EIF2S3: variants seen among roughly 807,000 people sequenced by gnomAD.
EIF2S3 encodes eukaryotic translation initiation factor 2 subunit 3.
EIF2S3 carries 2 observed loss-of-function variants against 31.7 expected under a neutral mutation model. The observed-to-expected ratio is 0.06, with a 90% confidence interval of 0.03 to 0.20. The LOEUF is 0.20. Ranked by LOEUF, EIF2S3 falls within the 10% of genes least tolerant of loss-of-function variation. EIF2S3 has a pLI of 1.00. For synonymous variants in EIF2S3, 120 were observed against 126.7 expected (o/e 0.95, Z 0.36); for missense variants, 96 against 359.3 (o/e 0.27, Z 5.92).
chrX:24,060,358 A>G, intron 5 of EIF2S3, 176 bp downstream of exon 5: 1 of 423,516 alleles, frequency 2.4e-6, no homozygotes, highest in Non-Finnish European at 4.1e-6. Context: ...AAAATACTCA[A>G]AAAGATAGAC....
chrX:24,076,686 G>A (rs781464545), intron 11 of EIF2S3, 36 bp from the exon 12 acceptor site: 14 of 1,171,596 alleles, frequency 1.2e-5, no homozygotes, highest in Middle Eastern at 2.3e-4. Context: ...TGAAGTGGAT[G>A]TAAGATTTAT....
At chrX:24,061,848 G>A (rs1013996148) in intron 5 of EIF2S3, among the ~76,000 whole-genome samples, 1 of 111,200 alleles carries the variant, frequency 9.0e-6, no homozygotes, top group African/African-American at 3.3e-5. Flanking sequence ...ACTGGAGAGA[G>A]TTAGAGGGCT....
At chrX:24,055,089 C>G (rs1355518079) in intron 1 of EIF2S3, 52 bp downstream of exon 1, 1 of 1,155,138 alleles carries the variant, frequency 8.7e-7, no homozygotes, top group African/African-American at 1.8e-5. Context: ...TGGAGGTGAC[C>G]GAGCCTCCCG....
chrX:24,068,522 G>A (rs1930612523), intron 9 of EIF2S3, among the ~76,000 whole-genome samples: 1 of 109,118 alleles, frequency 9.2e-6, no homozygotes, highest in Non-Finnish European at 1.9e-5. Context: ...TTGGCTCACT[G>A]CAGCCTCTGC....
At chrX:24,070,485 G>A (rs1930653286) in intron 9 of EIF2S3, among the ~76,000 whole-genome samples, 3 of 75,594 alleles carry the variant, frequency 4.0e-5, no homozygotes, top group Admixed American at 4.2e-4. Flanking sequence ...CTGTCGCCCA[G>A]GCTGGAGTGC....
chrX:24,056,131 T>TTGTACAAACACAAC (rs1370547941), intron 2 of EIF2S3, among the ~76,000 whole-genome samples: 1 of 112,105 alleles, frequency 8.9e-6, no homozygotes, highest in African/African-American at 3.2e-5. Flanking sequence ...CATTTTGAGT[T>TTGTACAAACACAAC]TGTACAAACA....
In EIF2S3 at chrX:24,056,719, C is replaced by T. The variant is rs373790355; in HGVS notation, c.134-702C>T. On this transcript the variant is annotated intron_variant, in intron 2 of 11. Coordinates refer to ENST00000253039, the MANE Select transcript of EIF2S3 (RefSeq NM_001415.4). ...CAAAAAATACAAAAAATTAGCTGTG[C>T]GTGGTGGTGCATGCCTGCAGTCCCA... 1.8e-4 allele frequency among the ~76,000 whole-genome samples: 20 copies of T among 111,137 alleles called. 1 individual carries two copies. The highest frequency in any genetic ancestry group is 1.7e-3 in the East Asian group (6 of 3,515).
intron 1 of EIF2S3, 145 bp downstream of exon 1, chrX:24,055,182 C>T (rs771336838): frequency 3.1e-6 from 2 of 635,561 alleles, no homozygotes; most frequent in East Asian, 7.1e-5. Context: ...CGCCCTAAGC[C>T]ATGCTCGCGC....
chrX:24,057,892 T>C (rs1041604996), intron 4 of EIF2S3, 138 bp downstream of exon 4: 1 of 760,307 alleles, frequency 1.3e-6, no homozygotes, highest in African/African-American at 2.1e-5. Flanking sequence ...TATGTTTTTA[T>C]GGGAAATCTG....
intron 9 of EIF2S3, among the ~76,000 whole-genome samples, chrX:24,071,298 C>G (rs1184777346): frequency 9.2e-6 from 1 of 108,544 alleles, no homozygotes; most frequent in Non-Finnish European, 1.9e-5. Context: ...TCAAGTGATT[C>G]TCCTGCCTCA....
intron 11 of EIF2S3, among the ~76,000 whole-genome samples, chrX:24,073,975 G>A (rs1456041477): frequency 2.7e-5 from 3 of 111,750 alleles, no homozygotes; most frequent in Non-Finnish European, 5.6e-5. Context: ...TATATGTTAT[G>A]CTTCTTGATC....
chrX:24,066,654 C>G (rs1348351197), intron 8 of EIF2S3, among the ~76,000 whole-genome samples: 1 of 109,460 alleles, frequency 9.1e-6, no homozygotes, highest in Non-Finnish European at 1.9e-5. Context: ...GCTGGGATTA[C>G]AAGCACCCCC....
intron 2 of EIF2S3, among the ~76,000 whole-genome samples, chrX:24,056,158 A>G (rs1312078773): frequency 8.9e-6 from 1 of 112,086 alleles, no homozygotes; most frequent in African/African-American, 3.2e-5. Context: ...TTTGTACGAA[A>G]GTAAGTTAAA....
intron 7 of EIF2S3, among the ~76,000 whole-genome samples, chrX:24,065,341 A>G (rs1378763634): frequency 8.9e-6 from 1 of 112,013 alleles, no homozygotes; most frequent in Non-Finnish European, 1.9e-5. Context: ...CAGGCTGGGC[A>G]TGGTGGCTTT....
At chrX:24,060,791 C>T (rs1278922609) in intron 5 of EIF2S3, among the ~76,000 whole-genome samples, 1 of 104,622 alleles carries the variant, frequency 9.6e-6, no homozygotes, top group Non-Finnish European at 2.0e-5. Flanking sequence ...GAGAAACCCC[C>T]TCTCTACTAA....
intron 4 of EIF2S3, among the ~76,000 whole-genome samples, chrX:24,058,522 AT>A (rs1261063772): frequency 2.7e-4 from 7 of 25,679 alleles, no homozygotes; most frequent in African/African-American, 7.4e-4. Context: ...GAATGCATAT[AT>A]TTTTTTTTCT....
chrX:24,073,349 C>T, intron 11 of EIF2S3, 86 bp downstream of exon 11: 1 of 1,066,974 alleles, frequency 9.4e-7, no homozygotes, highest in Non-Finnish European at 1.3e-6. Context: ...TCCTTGAGGA[C>T]AACAGTTACT....
In EIF2S3 at chrX:24,072,065, T is replaced by A. The variant is rs777957395; in HGVS notation, c.1182+338T>A. On this transcript the variant is annotated intron_variant, in intron 10 of 11. Coordinates refer to ENST00000253039, the MANE Select transcript of EIF2S3 (RefSeq NM_001415.4). ...TAATTTTTGTATATTTTAGTAGAGA[T>A]GGGGTTTCACTATATGTTAGCCAGG... Among the ~76,000 whole-genome samples the A allele has an allele frequency of 1.2e-4, 13 of 109,313 alleles. No homozygotes were observed. The South Asian group carries it at 5.1e-3, about 43-fold the overall frequency. 94.9% of individuals were successfully genotyped at this position (109,313 alleles called of 115,157 possible). A position where few individuals can be genotyped will look rare whatever the true frequency, so the allele number is the denominator to read the frequency against.
chrX:24,058,273 C>G (rs1211546965), intron 4 of EIF2S3, among the ~76,000 whole-genome samples: 1 of 111,865 alleles, frequency 8.9e-6, no homozygotes, highest in African/African-American at 3.2e-5. Flanking sequence ...GCCTTCACCT[C>G]AAGCCCAAAA....
Sources: allele counts gnomAD v4.1 joint callset (sites outside exome capture counted in the v4.1 genomes callset), GRCh38; gene constraint gnomAD v4.1.1; transcripts MANE v1.5; gene names NCBI Gene and HGNC (gene_info 2026-07-23, HGNC 2026-07-21).